The following SHROOM3 variants were observed in gnomAD, a reference collection of about 807,000 sequenced individuals.
The protein encoded by SHROOM3 is protein Shroom3.
Under a neutral mutation model 138.6 loss-of-function variants are expected in SHROOM3, and 47 were observed. The observed-to-expected ratio is 0.34, with a 90% CI of 0.27 to 0.43. SHROOM3 has a LOEUF of 0.43. SHROOM3 is among the 20% of genes least tolerant of loss of function. The probability of loss-of-function intolerance (pLI) is 1.00; values close to 1 mark genes in which losing one functional copy is unlikely to be tolerated. For missense variants in SHROOM3, 2,491 were observed against 2,596.5 expected, an observed-to-expected ratio of 0.96 and a Z score of 0.88; for synonymous variants, 1,062 against 1,063.3, an observed-to-expected ratio of 1.00 and a Z score of 0.02.
chr4:76,723,314 C>T (rs1720605475), intron 3 of SHROOM3, among the ~76,000 whole-genome samples: 1 of 152,140 alleles, frequency 6.6e-6, no homozygotes. Flanking sequence ...AAGGCTCTGG[C>T]TATACTCTCT....
intron 2 of SHROOM3, among the ~76,000 whole-genome samples, chr4:76,576,555 GTAGGATGACTAA>G (rs1733944760): frequency 6.6e-6 from 1 of 152,088 alleles, no homozygotes; most frequent in Admixed American, 6.6e-5. Context: ...ATACAAAAAG[GTAGGATGACTAA>G]TACCTACTCT....
chr4:76,474,007 A>G (rs1475572258), intron 1 of SHROOM3, among the ~76,000 whole-genome samples: 2 of 152,232 alleles, frequency 1.3e-5, no homozygotes, highest in Non-Finnish European at 2.9e-5. Context: ...AAACTTGTAC[A>G]TGAATGTTTA....
At chr4:76,726,128 C>T (rs1720697934) in intron 3 of SHROOM3, among the ~76,000 whole-genome samples, 1 of 152,116 alleles carries the variant, frequency 6.6e-6, no homozygotes, top group African/African-American at 2.4e-5. Context: ...TGCATCTACC[C>T]TCATCACACT....
At chr4:76,471,187 A>G (rs1389423156) in intron 1 of SHROOM3, among the ~76,000 whole-genome samples, 1 of 151,950 alleles carries the variant, frequency 6.6e-6, no homozygotes, top group Non-Finnish European at 1.5e-5. Context: ...TTTTTATGGA[A>G]TTGCCTAGCT....
In SHROOM3 at chr4:76,510,260, A is replaced by T. The variant is rs1220177389; in HGVS notation, c.169-45349A>T. Among the ~76,000 whole-genome samples the T allele has an allele frequency of 2.0e-5, 3 of 152,216 alleles. No homozygotes were observed. The South Asian group carries it at 6.2e-4, about 32-fold the overall frequency. ...CCATAAAAATATTTATCTATGCATT[A>T]AAAAAGGCTGAAAGGAAATATATCA... On this transcript the variant is annotated intron_variant, in intron 1 of 10. Transcript: ENST00000296043.
chr4:76,731,710 G>A (rs1317096648), intron 4 of SHROOM3, among the ~76,000 whole-genome samples: 1 of 151,960 alleles, frequency 6.6e-6, no homozygotes, highest in South Asian at 2.1e-4. Context: ...GAACCCGGGA[G>A]GTGGAGGTTG....
chr4:76,525,481 A>G (rs1732670078), intron 1 of SHROOM3, among the ~76,000 whole-genome samples: 1 of 152,176 alleles, frequency 6.6e-6, no homozygotes, highest in African/African-American at 2.4e-5. Flanking sequence ...TATCAGTATT[A>G]TTACTATTTC....
intron 2 of SHROOM3, among the ~76,000 whole-genome samples, chr4:76,606,926 T>C (rs1450133028): frequency 2.0e-5 from 3 of 152,144 alleles, no homozygotes; most frequent in Non-Finnish European, 4.4e-5. Context: ...ACAATTTCCA[T>C]ATTTTTTACC....
At chr4:76,772,550 C>T (rs1722398304) in intron 10 of SHROOM3, among the ~76,000 whole-genome samples, 1 of 152,158 alleles carries the variant, frequency 6.6e-6, no homozygotes, top group Non-Finnish European at 1.5e-5. Context: ...AGGAAAGTGA[C>T]TCAGCATTTA....
At chr4:76,777,465 G>A (rs1476031385) in intron 10 of SHROOM3, among the ~76,000 whole-genome samples, 1 of 152,142 alleles carries the variant, frequency 6.6e-6, no homozygotes, top group Non-Finnish European at 1.5e-5. Flanking sequence ...AGACTTTACT[G>A]AATTCATTTA....
Position 76,710,320 on chromosome 4 carries a change from G to A in SHROOM3, c.455+33G>A, listed in dbSNP as rs781025476. The A allele has an allele frequency of 1.3e-5, 21 of 1,612,568 alleles. 1 individual carries two copies. In the South Asian group the frequency reaches 1.8e-4, roughly 14 times the overall value. On this transcript the variant is annotated intron_variant, in intron 3 of 10. Transcript: ENST00000296043. ...GCACGGAAGTTGGTGCTGGCAGTTC[G>A]GAAAAAGAACCCAGTCCAAAAAGCC... is the stretch of plus-strand genomic sequence containing the variant.
chr4:76,552,074 G>T (rs1034306178), intron 1 of SHROOM3, among the ~76,000 whole-genome samples: 6 of 145,692 alleles, frequency 4.1e-5, no homozygotes, highest in Non-Finnish European at 7.7e-5. Flanking sequence ...TGTTAGCCAG[G>T]ATGGACTCGA....
chr4:76,582,491 T>C (rs1734072075), intron 2 of SHROOM3, among the ~76,000 whole-genome samples: 2 of 152,106 alleles, frequency 1.3e-5, no homozygotes, highest in Admixed American at 6.5e-5. Flanking sequence ...TGCAAATCAT[T>C]AAGGAAAAAG....
intron 6 of SHROOM3, 112 bp from the exon 7 acceptor site, chr4:76,754,197 GAA>G: frequency 7.2e-7 from 1 of 1,385,034 alleles, no homozygotes; most frequent in Non-Finnish European, 1.0e-6. Flanking sequence ...CTGGGGGAAG[GAA>G]AAGAGGTCCT....
In SHROOM3 at chr4:76,754,687, G is replaced by T. The variant is rs749960760; in HGVS notation, c.4204G>T (p.Gly1402Cys). 3 of 1,614,078 alleles carry T rather than the reference G, an allele frequency of 1.9e-6. No individual in the cohort carries two copies. Among genetic ancestry groups the T allele is most frequent in the Non-Finnish European group, 2.5e-6 (3 of 1,180,044 alleles). The change falls in exon 7 of 11, where the codon GGC becomes TGC. Residue 1402 changes from glycine to cysteine, a missense_variant. Coordinates refer to ENST00000296043, the MANE Select transcript of SHROOM3 (RefSeq NM_020859.4). ...CCTGACCCAGCCTCCCGGTCCAAGA[G>T]GCTGTGAGGGCGATGGCCCAGAGCA... Reference protein sequence around the residue: ...HTLTQPPGPRGCEGDGPEHGV... With the variant: ...HTLTQPPGPRCCEGDGPEHGV...
chr4:76,527,056 T>G (rs1333118698), intron 1 of SHROOM3, among the ~76,000 whole-genome samples: 1 of 152,152 alleles, frequency 6.6e-6, no homozygotes, highest in African/African-American at 2.4e-5. Context: ...GCCTACTTTC[T>G]TTCTTTCTTT....
intron 1 of SHROOM3, among the ~76,000 whole-genome samples, chr4:76,523,822 TG>T (rs1359096500): frequency 6.6e-6 from 1 of 152,108 alleles, no homozygotes; most frequent in Admixed American, 6.5e-5. Flanking sequence ...CAGGTGCATC[TG>T]GGGAGCTGCC....
intron 2 of SHROOM3, among the ~76,000 whole-genome samples, chr4:76,650,708 C>T (rs765749960): frequency 1.6e-4 from 24 of 152,048 alleles, no homozygotes; most frequent in Non-Finnish European, 2.9e-4. Flanking sequence ...CCACGCCCAG[C>T]TAATTTTTGT....
chr4:76,547,564 A>G (rs1000226331), intron 1 of SHROOM3, among the ~76,000 whole-genome samples: 2 of 152,160 alleles, frequency 1.3e-5, no homozygotes, highest in African/African-American at 4.8e-5. Context: ...AACAAGACAG[A>G]CACAAATCCC....
Sources: gnomAD v4.1 joint callset for allele counts (sites outside exome capture counted in the v4.1 genomes callset) on GRCh38, gnomAD v4.1.1 for gene constraint, MANE v1.5 for transcripts, NCBI Gene and HGNC (gene_info 2026-07-23, HGNC 2026-07-21) for gene names.